The following STXBP6 variants were observed in gnomAD, a reference collection of about 807,000 sequenced individuals.
STXBP6 encodes the protein syntaxin binding protein 6, also known as syntaxin-binding protein 6.
Under a neutral mutation model 26.9 loss-of-function variants are expected in STXBP6, and 21 were observed. That is an observed-to-expected ratio of 0.78 (90% CI 0.55 to 1.12). STXBP6 has a LOEUF of 1.12. Ranked by LOEUF, STXBP6 falls within the 50% of genes most tolerant of loss-of-function variation. The probability of loss-of-function intolerance (pLI) is 0.00; values close to 1 mark genes in which losing one functional copy is unlikely to be tolerated. For missense variants in STXBP6, 232 were observed against 257.9 expected (o/e 0.90, Z 0.69); for synonymous variants, 97 against 92.6 (o/e 1.05, Z -0.27).
intron 2 of STXBP6, among the ~76,000 whole-genome samples, chr14:24,889,575 T>TTAAA (rs35902359): frequency 4.1e-5 from 6 of 147,490 alleles, no homozygotes; most frequent in African/African-American, 7.6e-5. Flanking sequence ...AATAATAAAA[T>TTAAA]AAAAAAAGAA....
rs150751545 is a variant in STXBP6, at chr14:25,017,272, T to A, written c.-33+32606A>T. 7.1e-4 allele frequency among the ~76,000 whole-genome samples: 108 copies of A among 152,240 alleles called. 1 individual carries two copies. In the East Asian group the frequency reaches 0.018, roughly 26 times the overall value. On this transcript the variant is annotated intron_variant, in intron 1 of 5. Coordinates refer to ENST00000323944, the MANE Select transcript of STXBP6 (RefSeq NM_001394410.1). ...ATTAATGTTCAAGGGAGAAAGAATA[T>A]GAAATAGGGATAGAATTGGCAGAGC...
At chr14:24,890,643 T>C (rs2070755408) in intron 2 of STXBP6, among the ~76,000 whole-genome samples, 2 of 152,224 alleles carry the variant, frequency 1.3e-5, no homozygotes, top group South Asian at 4.1e-4. Flanking sequence ...GGGAAAAATG[T>C]CCTATAGAAA....
In STXBP6 at chr14:24,961,913, A is replaced by G. The variant is rs144279762; in HGVS notation, c.154+12752T>C. ...TCATTAATTAAATGTACCAACCTAG[A>G]AAAAAAACATAAATATGTTTGGTTG... On this transcript the variant is annotated intron_variant, in intron 2 of 5. Coordinates refer to ENST00000323944, the MANE Select transcript of STXBP6 (RefSeq NM_001394410.1). 4.4e-3 allele frequency among the ~76,000 whole-genome samples: 673 copies of G among 152,212 alleles called. 6 individuals are homozygous for G. The highest frequency in any genetic ancestry group is 0.016 in the African/African-American group (644 of 41,528).
At chr14:24,843,040 C>T (rs1324812293) in intron 4 of STXBP6, among the ~76,000 whole-genome samples, 1 of 152,046 alleles carries the variant, frequency 6.6e-6, no homozygotes, top group Non-Finnish European at 1.5e-5. Context: ...TCTAATGGGG[C>T]AGGGGGAAAG....
intron 1 of STXBP6, among the ~76,000 whole-genome samples, chr14:25,048,766 G>T (rs873102): frequency 0.62 from 93,790 of 152,046 alleles, 30,556 homozygotes; most frequent in African/African-American, 0.85. Context: ...CTCTGACTAG[G>T]GCGCAGCTCT....
intron 2 of STXBP6, among the ~76,000 whole-genome samples, chr14:24,929,633 C>T (rs1405000061): frequency 1.3e-5 from 2 of 152,202 alleles, no homozygotes; most frequent in African/African-American, 4.8e-5. Flanking sequence ...GAATACATAG[C>T]ACAAGTGGAA....
chr14:24,911,376 AGAG>A (rs1428359556), intron 2 of STXBP6, among the ~76,000 whole-genome samples: 2 of 141,716 alleles, frequency 1.4e-5, no homozygotes, highest in East Asian at 2.0e-4. Context: ...GAAAGAAAGA[AGAG>A]AGAGAGAGAG....
At chr14:24,877,351 T>G (rs1371467346) in intron 2 of STXBP6, among the ~76,000 whole-genome samples, 1 of 152,176 alleles carries the variant, frequency 6.6e-6, no homozygotes, top group Non-Finnish European at 1.5e-5. Context: ...AAATAACATA[T>G]TGAGACATCT....
chr14:25,035,366 C>G (rs766707698), intron 1 of STXBP6, among the ~76,000 whole-genome samples: 1 of 152,134 alleles, frequency 6.6e-6, no homozygotes, highest in Non-Finnish European at 1.5e-5. Context: ...CCTCCTGTCA[C>G]AATGTATATT....
At chr14:24,900,101 C>T (rs1023120617) in intron 2 of STXBP6, among the ~76,000 whole-genome samples, 7 of 152,176 alleles carry the variant, frequency 4.6e-5, no homozygotes, top group Admixed American at 1.3e-4. Flanking sequence ...TGCAAACAAT[C>T]TTAGTTTATC....
chr14:25,039,331 A>T (rs1411803432), intron 1 of STXBP6, among the ~76,000 whole-genome samples: 1 of 152,194 alleles, frequency 6.6e-6, no homozygotes, highest in South Asian at 2.1e-4. Flanking sequence ...GCTCTATAGT[A>T]AGCCTTTATT....
chr14:24,975,027 C>T (rs2074007372), intron 1 of STXBP6, among the ~76,000 whole-genome samples, 177 bp from the exon 2 acceptor site: 2 of 152,040 alleles, frequency 1.3e-5, no homozygotes. Flanking sequence ...TTTGTAATAA[C>T]TATGAAAAAA....
chr14:24,831,951 A>C (rs2068467586), intron 4 of STXBP6, among the ~76,000 whole-genome samples: 1 of 152,178 alleles, frequency 6.6e-6, no homozygotes, highest in South Asian at 2.1e-4. Flanking sequence ...GCTGGCCTAG[A>C]AGCCACGTTT....
chr14:25,006,975 C>T (rs888742784), intron 1 of STXBP6, among the ~76,000 whole-genome samples: 1 of 152,168 alleles, frequency 6.6e-6, no homozygotes, highest in Non-Finnish European at 1.5e-5. Flanking sequence ...ACATTAGTTA[C>T]CCCATACCAG....
intron 4 of STXBP6, among the ~76,000 whole-genome samples, chr14:24,832,890 G>A (rs558194478): frequency 5.9e-5 from 9 of 152,192 alleles, no homozygotes; most frequent in Admixed American, 2.6e-4. Context: ...ACTACCATGC[G>A]CCAGAAATGA....
intron 2 of STXBP6, among the ~76,000 whole-genome samples, chr14:24,906,346 A>AT (rs900794783): frequency 9.2e-5 from 14 of 152,182 alleles, no homozygotes; most frequent in African/African-American, 3.1e-4. Flanking sequence ...TATGGCATGC[A>AT]TTTTACTTAA....
At chr14:24,980,113 T>C (rs892365001) in intron 1 of STXBP6, among the ~76,000 whole-genome samples, 1 of 152,226 alleles carries the variant, frequency 6.6e-6, no homozygotes, top group Non-Finnish European at 1.5e-5. Flanking sequence ...ACAAAACAGA[T>C]GTTATTATAT....
At chr14:24,862,489 T>C (rs2069575497) in intron 2 of STXBP6, among the ~76,000 whole-genome samples, 2 of 152,132 alleles carry the variant, frequency 1.3e-5, no homozygotes, top group South Asian at 4.1e-4. Flanking sequence ...GCATAGGGCT[T>C]TGGGAAGCAG....
intron 1 of STXBP6, among the ~76,000 whole-genome samples, chr14:24,996,897 C>T (rs1286046143): frequency 2.9e-5 from 4 of 140,350 alleles, no homozygotes; most frequent in African/African-American, 8.1e-5. Flanking sequence ...GAGAAGGGAA[C>T]GCAGGGGAGA....
Sources: allele counts gnomAD v4.1 joint callset (sites outside exome capture counted in the v4.1 genomes callset), GRCh38; gene constraint gnomAD v4.1.1; transcripts MANE v1.5; gene names NCBI Gene and HGNC (gene_info 2026-07-23, HGNC 2026-07-21).